The following GALNTL6 variants were observed in gnomAD, a reference collection of about 807,000 sequenced individuals.
The protein encoded by GALNTL6 is polypeptide N-acetylgalactosaminyltransferase like 6.
A neutral mutation model predicts 73.7 loss-of-function variants in GALNTL6; 46 were observed. That is an observed-to-expected ratio of 0.62 (90% CI 0.49 to 0.80). The LOEUF is 0.80. Among genes scored for constraint, GALNTL6 ranks in the 30% least tolerant of loss-of-function variants. The pLI, the probability that GALNTL6 is intolerant of heterozygous loss-of-function variation, is 0.00. For missense variants in GALNTL6, 604 were observed against 755.0 expected, an observed-to-expected ratio of 0.80 and a Z score of 2.34; for synonymous variants, 259 against 263.7, an observed-to-expected ratio of 0.98 and a Z score of 0.17.
chr4:172,004,888 C>G (rs1740787979), intron 2 of GALNTL6, among the ~76,000 whole-genome samples: 4 of 148,594 alleles, frequency 2.7e-5, no homozygotes, highest in Admixed American at 2.7e-4. Flanking sequence ...TTAGTATTTT[C>G]TTGAAAAAAA....
At chr4:172,275,818 G>A (rs192746346) in intron 3 of GALNTL6, among the ~76,000 whole-genome samples, 19 of 152,228 alleles carry the variant, frequency 1.2e-4, no homozygotes, top group Admixed American at 1.2e-3. Flanking sequence ...TTAGCCAGGT[G>A]TGGTGGTGCA....
chr4:172,001,231 A>T (rs915673893), intron 2 of GALNTL6, among the ~76,000 whole-genome samples: 2 of 152,212 alleles, frequency 1.3e-5, no homozygotes, highest in African/African-American at 4.8e-5. Flanking sequence ...GAAGTTAGTT[A>T]TCATCCCAAC....
At chr4:172,774,185 C>A (rs1007115797) in intron 5 of GALNTL6, among the ~76,000 whole-genome samples, 13 of 152,138 alleles carry the variant, frequency 8.5e-5, no homozygotes, top group African/African-American at 2.9e-4. Flanking sequence ...AATAAGAATT[C>A]ATCAGAAAAC....
intron 5 of GALNTL6, among the ~76,000 whole-genome samples, chr4:172,575,470 G>T (rs1736927506): frequency 6.6e-6 from 1 of 152,118 alleles, no homozygotes; most frequent in Admixed American, 6.6e-5. Context: ...GGGAACCCAG[G>T]TCAGAAAAGT....
chr4:172,888,902 T>A (rs1274949477), intron 8 of GALNTL6, among the ~76,000 whole-genome samples: 1 of 152,190 alleles, frequency 6.6e-6, no homozygotes, highest in Non-Finnish European at 1.5e-5. Flanking sequence ...CATGGAAATT[T>A]TTTTTTTCAT....
intron 2 of GALNTL6, among the ~76,000 whole-genome samples, chr4:171,883,534 G>A (rs1419172996): frequency 6.6e-6 from 1 of 151,988 alleles, no homozygotes; most frequent in Non-Finnish European, 1.5e-5. Context: ...TCCACTTGGT[G>A]GTATGTGCTT....
chr4:172,312,088 C>T (rs944015487), intron 4 of GALNTL6, among the ~76,000 whole-genome samples: 2 of 152,118 alleles, frequency 1.3e-5, no homozygotes, highest in Admixed American at 6.5e-5. Flanking sequence ...ATTAGAGCTA[C>T]CAGAACTGTC....
intron 7 of GALNTL6, among the ~76,000 whole-genome samples, chr4:172,819,348 G>C (rs1484694675): frequency 5.9e-5 from 9 of 152,126 alleles, no homozygotes; most frequent in African/African-American, 1.7e-4. Context: ...GTGGTTCTTA[G>C]GCAACAAATA....
In GALNTL6 at chr4:172,696,550, A is replaced by G. The variant is rs568186799; in HGVS notation, c.554-112811A>G. On this transcript the variant is annotated intron_variant, in intron 5 of 12. Transcript: ENST00000506823. ...GGATCTGGTGGGAGGTAATTGAATC[A>G]TGGGGGCAGGTCTTTTCCACATTAT... 1.6e-4 allele frequency among the ~76,000 whole-genome samples: 24 copies of G among 152,222 alleles called. No individual in the cohort carries two copies. The East Asian group carries it at 4.4e-3, about 28-fold the overall frequency.
At chr4:172,835,856 G>A (rs1742886230) in intron 7 of GALNTL6, among the ~76,000 whole-genome samples, 1 of 152,172 alleles carries the variant, frequency 6.6e-6, no homozygotes, top group Admixed American at 6.5e-5. Flanking sequence ...CATTACTGCG[G>A]TTTGAACATT....
chr4:171,878,502 T>G (rs1224031098), intron 2 of GALNTL6, among the ~76,000 whole-genome samples: 2 of 152,238 alleles, frequency 1.3e-5, no homozygotes, highest in Admixed American at 6.5e-5. Flanking sequence ...CATAAAAGTC[T>G]TCATTCTAAC....
At chr4:172,461,451 T>C (rs1732614312) in intron 5 of GALNTL6, among the ~76,000 whole-genome samples, 1 of 152,204 alleles carries the variant, frequency 6.6e-6, no homozygotes, top group Non-Finnish European at 1.5e-5. Flanking sequence ...AGGTGAAATG[T>C]CTGGTTGGAC....
intron 2 of GALNTL6, among the ~76,000 whole-genome samples, chr4:172,175,833 T>C (rs1191229445): frequency 6.6e-6 from 1 of 152,216 alleles, no homozygotes; most frequent in African/African-American, 2.4e-5. Flanking sequence ...TGTGCTCCTT[T>C]GCTTGTCTCA....
chr4:172,371,235 C>G (rs1742798036), intron 5 of GALNTL6, among the ~76,000 whole-genome samples: 1 of 152,198 alleles, frequency 6.6e-6, no homozygotes, highest in African/African-American at 2.4e-5. Flanking sequence ...CATCTATTGT[C>G]CTGTCCTGAA....
At chr4:172,625,021 C>A (rs1430324657) in intron 5 of GALNTL6, among the ~76,000 whole-genome samples, 2 of 151,860 alleles carry the variant, frequency 1.3e-5, no homozygotes, top group Admixed American at 1.3e-4. Flanking sequence ...TTCGTTGATT[C>A]TTTGTATGGA....
chr4:172,107,138 G>A (rs545105853), intron 2 of GALNTL6, among the ~76,000 whole-genome samples: 4 of 152,146 alleles, frequency 2.6e-5, no homozygotes, highest in African/African-American at 9.7e-5. Context: ...CTCCCAAAGT[G>A]CTGGGATTAC....
In GALNTL6 at chr4:172,265,395, C is replaced by T. The variant is rs138649372; in HGVS notation, c.247+35631C>T. ...AGTTAGCTTCCAGCTTTCAAATTTG[C>T]CTGAGAGCCTAAGGTAAAAAATGAA... On this transcript the variant is annotated intron_variant, in intron 3 of 12. Transcript: ENST00000506823. 2.6e-5 allele frequency among the ~76,000 whole-genome samples: 4 copies of T among 152,124 alleles called. No individual in the cohort carries two copies. In the East Asian group the frequency reaches 7.7e-4, roughly 29 times the overall value.
At chr4:172,225,621 G>A (rs989992009) in intron 2 of GALNTL6, among the ~76,000 whole-genome samples, 14 of 152,054 alleles carry the variant, frequency 9.2e-5, no homozygotes, top group Admixed American at 9.2e-4. Flanking sequence ...CGGGTGCGAT[G>A]GCTCACGCCT....
At chr4:172,016,651 T>G (rs1268513557) in intron 2 of GALNTL6, among the ~76,000 whole-genome samples, 2 of 151,730 alleles carry the variant, frequency 1.3e-5, no homozygotes, top group Non-Finnish European at 2.9e-5. Flanking sequence ...GAACCCCATT[T>G]TGTCATATTA....
Sources: gnomAD v4.1 joint callset for allele counts (sites outside exome capture counted in the v4.1 genomes callset) on GRCh38, gnomAD v4.1.1 for gene constraint, MANE v1.5 for transcripts, NCBI Gene and HGNC (gene_info 2026-07-23, HGNC 2026-07-21) for gene names.